KCNAB2: variants seen among roughly 807,000 people sequenced by gnomAD.
The protein encoded by KCNAB2 is potassium voltage-gated channel subfamily A regulatory beta subunit 2, also known as voltage-gated potassium channel subunit beta-2.
In KCNAB2, 29 loss-of-function variants were observed where a neutral mutation model predicts 63.6. That is an observed-to-expected ratio of 0.46 (90% CI 0.34 to 0.62). The LOEUF (loss-of-function observed/expected upper bound fraction) is 0.62. KCNAB2 is among the 20% of genes least tolerant of loss of function. The probability of loss-of-function intolerance (pLI) is 0.01; values close to 1 mark genes in which losing one functional copy is unlikely to be tolerated. For synonymous variants in KCNAB2, 222 were observed against 224.2 expected, an observed-to-expected ratio of 0.99 and a Z score of 0.09; for missense variants, 359 against 563.9, an observed-to-expected ratio of 0.64 and a Z score of 3.68.
intron 1 of KCNAB2, among the ~76,000 whole-genome samples, chr1:6,004,826 C>A (rs1229740814): frequency 6.6e-6 from 1 of 152,044 alleles, no homozygotes; most frequent in Admixed American, 6.6e-5. Flanking sequence ...GTTTCTACCC[C>A]CGAGTCCCAC....
chr1:6,088,246 T>C lies in KCNAB2; in HGVS notation c.470+735T>C, dbSNP rs1453991205. ...TCTCTCTCTCTCTTTTTTTTTTTTT[T>C]TTTGAGACAGGGTCTCACTTTGTCA... On this transcript the variant is annotated intron_variant, in intron 7 of 15. Coordinates refer to ENST00000378083, the MANE Select transcript of KCNAB2 (RefSeq NM_001199862.2). 6.0e-5 allele frequency among the ~76,000 whole-genome samples: 9 copies of C among 150,766 alleles called. No individual in the cohort carries two copies. In the East Asian group the frequency reaches 1.6e-3, roughly 26 times the overall value.
rs112461200 is a variant in KCNAB2 at position 6,097,680 on chromosome 1, T to C, written c.1158+323T>C. ...CAAGGGGGCCTGTCAGGTGGGCTTGTTGAGAAGGTGGTGCTTGAGCAGTCT... is the reference window on the plus strand; with the variant it reads ...CAAGGGGGCCTGTCAGGTGGGCTTGCTGAGAAGGTGGTGCTTGAGCAGTCT... On this transcript the variant is annotated intron_variant, in intron 15 of 15. Transcript: ENST00000378083. 1.5e-4 allele frequency: 83 copies of C among 560,980 alleles called. 2 individuals carry two copies. The highest frequency in any genetic ancestry group is 1.4e-3 in the African/African-American group (73 of 53,268). The allele number at this position is 560,980 out of a possible 1,614,324, so 34.8% of individuals were successfully genotyped here. A position where few individuals can be genotyped will look rare whatever the true frequency, so the allele number is the denominator to read the frequency against.
At chr1:6,026,728 G>A (rs1468305576) in intron 1 of KCNAB2, among the ~76,000 whole-genome samples, 3 of 152,224 alleles carry the variant, frequency 2.0e-5, no homozygotes, top group Admixed American at 6.5e-5. Flanking sequence ...TCTGACGGCC[G>A]CACATTCTCC....
chr1:6,042,854 C>CCCT (rs1660622185), upstream of KCNAB2, among the ~76,000 whole-genome samples: 1 of 130,942 alleles, frequency 7.6e-6, no homozygotes, highest in East Asian at 2.5e-4. Flanking sequence ...CCCCCCCCCC[C>CCCT]GTTTGCCAGC....
chr1:6,055,349 A>T lies in KCNAB2; in HGVS notation c.218+3595A>T, dbSNP rs1316041032. 2.0e-5 allele frequency among the ~76,000 whole-genome samples: 3 copies of T among 146,716 alleles called. No homozygotes were observed. The Admixed American group carries it at 2.1e-4, about 10-fold the overall frequency. ...AGGGAGTGGAGGAGACCAGAAGACA[A>T]ACGCTTTTTTTTTTTTTTTTTTTTG... On this transcript the variant is annotated intron_variant, in intron 2 of 15. Transcript: ENST00000378083.
intron 2 of KCNAB2, among the ~76,000 whole-genome samples, chr1:6,054,936 G>A (rs138279337): frequency 2.0e-4 from 30 of 152,286 alleles, no homozygotes; most frequent in African/African-American, 7.0e-4. Context: ...TGTTACTTGG[G>A]CGTGGAAAGT....
At chr1:6,040,614 C>A (rs376203067) in exon 2 of KCNAB2, 3 of 1,613,864 alleles carry the variant, frequency 1.9e-6, no homozygotes, top group South Asian at 1.1e-5. Context: ...GCTCTCGCTG[C>A]GGCAGACGGG....
At chr1:6,031,075 A>C (rs1253731051), upstream of KCNAB2, among the ~76,000 whole-genome samples, 3 of 152,108 alleles carry the variant, frequency 2.0e-5, no homozygotes, top group African/African-American at 7.2e-5. This position sits in a 1 kb window ranked among gnomAD's most constrained non-coding sequence, Gnocchi z 4.1. Context: ...AGCTCCATCA[A>C]CCAGAACATG....
chr1:6,032,219 T>C (rs1186018790), upstream of KCNAB2, among the ~76,000 whole-genome samples: 2 of 151,940 alleles, frequency 1.3e-5, no homozygotes, highest in East Asian at 1.9e-4. Context: ...TGAGGGGTCA[T>C]AGGGGAACCG....
chr1:6,084,799 G>A (rs1664549093), intron 5 of KCNAB2, among the ~76,000 whole-genome samples: 1 of 149,700 alleles, frequency 6.7e-6, no homozygotes, highest in Non-Finnish European at 1.5e-5. Flanking sequence ...GATAGAGCGA[G>A]ACTCCATTTC....
Position 6,099,694 on chromosome 1 carries a change from C to G in KCNAB2, c.*1120C>G. 4 of 1,388,368 alleles carry G rather than the reference C, an allele frequency of 2.9e-6. No individual in the cohort carries two copies. The South Asian group carries it at 6.1e-5, about 21-fold the overall frequency. The allele number at this position is 1,388,368 out of a possible 1,614,324, so 86.0% of individuals were successfully genotyped here. ...GGAAGGGTCTTTGGGGTTTTCTGTG[C>G]CCATGACTTGGGGGCTGCACCCCCA... On this transcript the variant is annotated 3_prime_UTR_variant, in exon 16 of 16. Coordinates refer to ENST00000378083, the MANE Select transcript of KCNAB2 (RefSeq NM_001199862.2).
chr1:6,039,284 G>C (rs1275830863), intron 1 of KCNAB2, among the ~76,000 whole-genome samples: 1 of 152,188 alleles, frequency 6.6e-6, no homozygotes, highest in Non-Finnish European at 1.5e-5. Context: ...GCCTGAGGGG[G>C]CAGTGCCTAG....
rs74740329 is a variant in KCNAB2 at position 6,061,739 on chromosome 1, T to G, written c.218+9985T>G. Reference sequence around the variant, plus strand: ...TTATAACGGAATATAATGTGCATAATGCAAAAATTATATTGAATTCTTTTT... The same window carrying G: ...TTATAACGGAATATAATGTGCATAAGGCAAAAATTATATTGAATTCTTTTT... On this transcript the variant is annotated intron_variant, in intron 2 of 15. Transcript: ENST00000378083. Among the ~76,000 whole-genome samples, 796 of 152,366 alleles carry G rather than the reference T, an allele frequency of 5.2e-3. 5 individuals carry two copies. The highest frequency in any genetic ancestry group is 0.018 in the African/African-American group (734 of 41,576).
In KCNAB2 at chr1:6,051,768, A is replaced by G. The variant is rs1414954442; in HGVS notation, c.218+14A>G. On this transcript the variant is annotated intron_variant, in intron 2 of 15. Transcript: ENST00000378083. ...CATGAAGTATCGGTAAGGGCCGGGC[A>G]GGGGGGCGGTGGGGTGGGAAGTCTG... 3.9e-6 allele frequency: 6 copies of G among 1,519,668 alleles called. No homozygotes were observed. Among genetic ancestry groups the G allele is most frequent in the Non-Finnish European group, 5.3e-6 (6 of 1,136,056 alleles). 94.1% of individuals were successfully genotyped at this position (1,519,668 alleles called of 1,614,324 possible).
At chr1:6,076,452 C>T (rs1557487672) in intron 4 of KCNAB2, among the ~76,000 whole-genome samples, 1 of 152,204 alleles carries the variant, frequency 6.6e-6, no homozygotes, top group Non-Finnish European at 1.5e-5. Context: ...CCTCACACTC[C>T]CCATTAGAAG....
At position 6,096,789 on chromosome 1, in the gene KCNAB2, C is replaced by T; in HGVS notation, c.1069+33C>T. 1 of 1,530,020 alleles carries T rather than the reference C, an allele frequency of 6.5e-7. No homozygotes were observed. 94.8% of individuals were successfully genotyped at this position (1,530,020 alleles called of 1,614,324 possible). ...TGGGGTCGCCATGGGGCCAGTGCCC[C>T]TGGGGAGAACCTGCCCCAGCTGGCC... On this transcript the variant is annotated intron_variant, in intron 14 of 15. Coordinates refer to ENST00000378083, the MANE Select transcript of KCNAB2 (RefSeq NM_001199862.2). This position sits in a 1 kb window ranked among gnomAD's most constrained non-coding sequence, Gnocchi z 5.9.
chr1:6,002,163 C>T (rs1657296215), intron 1 of KCNAB2, among the ~76,000 whole-genome samples: 1 of 152,248 alleles, frequency 6.6e-6, no homozygotes, highest in Non-Finnish European at 1.5e-5. Flanking sequence ...CCAGCACTGG[C>T]TCCCTGATTT....
At chr1:6,019,713 G>A (rs540046989) in intron 1 of KCNAB2, among the ~76,000 whole-genome samples, 334 of 152,288 alleles carry the variant, frequency 2.2e-3, no homozygotes, top group African/African-American at 7.3e-3. Flanking sequence ...CACAGCCCAC[G>A]TGCAGCACGT....
At chr1:6,054,201 G>A (rs183246902) in intron 2 of KCNAB2, among the ~76,000 whole-genome samples, 261 of 152,280 alleles carry the variant, frequency 1.7e-3, no homozygotes, top group Non-Finnish European at 3.0e-3. Flanking sequence ...TGGTGATAGA[G>A]AGTGGAGTGA....
Sources: gnomAD v4.1 joint callset for allele counts (sites outside exome capture counted in the v4.1 genomes callset) on GRCh38, gnomAD v4.1.1 for gene constraint, Gnocchi (gnomAD v3.1) non-coding constraint, MANE v1.5 for transcripts, NCBI Gene and HGNC (gene_info 2026-07-23, HGNC 2026-07-21) for gene names.